Variants in SPATA6L observed in about 807,000 individuals in gnomAD.
SPATA6L encodes the protein spermatogenesis associated 6-like protein.
SPATA6L carries 68 observed loss-of-function variants against 49.2 expected under a neutral mutation model. The ratio of observed to expected loss-of-function variants is 1.38; its 90% CI spans 1.14 to 1.69. SPATA6L has a LOEUF of 1.69. SPATA6L is among the 40% of genes most tolerant of loss of function. SPATA6L has a pLI of 0.00. For synonymous variants in SPATA6L, 198 were observed against 165.7 expected, an observed-to-expected ratio of 1.19 and a Z score of -1.50; for missense variants, 668 against 464.3, an observed-to-expected ratio of 1.44 and a Z score of -4.03.
In SPATA6L at chr9:4,662,395, G is replaced by T; in HGVS notation, c.40-359C>A. On this transcript the variant is annotated intron_variant, in intron 1 of 11. Transcript: ENST00000682582. The surrounding 1 kb of genome is among the most constrained non-coding windows in gnomAD (Gnocchi z 4.9). Reference sequence around the variant, plus strand: ...GCTGCGATGCCAAGTCCCCGGAGGAGCATGGAGGGACGGCCGCTGGGCGTC... The same window carrying T: ...GCTGCGATGCCAAGTCCCCGGAGGATCATGGAGGGACGGCCGCTGGGCGTC... 9 of 1,534,348 alleles carry T rather than the reference G, an allele frequency of 5.9e-6. No individual in the cohort carries two copies. The highest frequency in any genetic ancestry group is 7.8e-6 in the Non-Finnish European group (9 of 1,148,078).
At chr9:4,593,005 T>C (rs944398390) in intron 13 of SPATA6L, among the ~76,000 whole-genome samples, 1 of 152,234 alleles carries the variant, frequency 6.6e-6, no homozygotes, top group African/African-American at 2.4e-5. Flanking sequence ...ATATTTTACA[T>C]GCATAGTCTC....
chr9:4,597,621 T>C (rs1330802433), downstream of SPATA6L, among the ~76,000 whole-genome samples: 1 of 152,168 alleles, frequency 6.6e-6, no homozygotes, highest in African/African-American at 2.4e-5. Context: ...TTCATTGCCA[T>C]AATTTGGTGC....
At chr9:4,621,677 G>A (rs1384526430) in intron 7 of SPATA6L, among the ~76,000 whole-genome samples, 2 of 152,150 alleles carry the variant, frequency 1.3e-5, no homozygotes, top group Admixed American at 6.5e-5. Flanking sequence ...TAGTAGAGAT[G>A]GGGTTTCTCT....
intron 3 of SPATA6L, among the ~76,000 whole-genome samples, chr9:4,647,462 G>T (rs1229143866): frequency 1.3e-5 from 2 of 152,042 alleles, no homozygotes; most frequent in Non-Finnish European, 2.9e-5. Flanking sequence ...CATGGTGGCA[G>T]ATGCCTGTAA....
chr9:4,592,207 C>T (rs1586891226), intron 13 of SPATA6L, among the ~76,000 whole-genome samples: 1 of 150,114 alleles, frequency 6.7e-6, no homozygotes, highest in Admixed American at 6.7e-5. Context: ...CCCAGCTACT[C>T]GGGAGGCTGA....
chr9:4,620,954 C>G (rs571949518), intron 7 of SPATA6L, among the ~76,000 whole-genome samples: 3 of 152,366 alleles, frequency 2.0e-5, no homozygotes, highest in African/African-American at 7.2e-5. Flanking sequence ...GAAGCACATT[C>G]TGCTTCAAAC....
downstream of SPATA6L, among the ~76,000 whole-genome samples, chr9:4,594,370 T>C (rs1822102305): frequency 6.6e-6 from 1 of 152,134 alleles, no homozygotes; most frequent in Non-Finnish European, 1.5e-5. Flanking sequence ...CCAGCATGCC[T>C]GGCTAACTTT....
At chr9:4,616,058 G>C (rs1438804870) in intron 9 of SPATA6L, among the ~76,000 whole-genome samples, 3 of 152,148 alleles carry the variant, frequency 2.0e-5, no homozygotes, top group Non-Finnish European at 2.9e-5. Flanking sequence ...AATTGCTTGA[G>C]CCCAGGAGTT....
rs941966409 is a variant in SPATA6L, at chr9:4,629,114, A to G, written c.406T>C (p.Phe136Leu). ...STRTAIRECV[F>L]LHRNRFLEER... The stretch of plus-strand genomic sequence containing the variant: ...ACAAGAAATCTGTTTCTATGCAGAA[A>G]CACACATTCTCTGATGGCTGTCCTT... The change falls in exon 5 of 12, where the codon TTT (phenylalanine) becomes CTT (leucine). Residue 136 changes from phenylalanine to leucine, a missense_variant. Transcript: ENST00000682582. 1 of 1,610,958 alleles carries G rather than the reference A, an allele frequency of 6.2e-7. No individual in the cohort carries two copies. Among genetic ancestry groups the G allele is most frequent in the Non-Finnish European group, 8.5e-7 (1 of 1,178,296 alleles).
intron 3 of SPATA6L, among the ~76,000 whole-genome samples, chr9:4,647,917 C>T (rs1328192683): frequency 6.6e-6 from 1 of 151,824 alleles, no homozygotes; most frequent in African/African-American, 2.4e-5. Flanking sequence ...TCACTGCAAC[C>T]TCTACCTTGC....
At chr9:4,628,015 A>T in intron 5 of SPATA6L, 1 of 357,878 alleles carries the variant, frequency 2.8e-6, no homozygotes, top group Non-Finnish European at 5.4e-6. Context: ...GACAAACTTT[A>T]TATATTCTCA....
intron 3 of SPATA6L, among the ~76,000 whole-genome samples, chr9:4,648,775 C>G (rs979007557): frequency 1.3e-5 from 2 of 152,018 alleles, no homozygotes; most frequent in Non-Finnish European, 2.9e-5. Context: ...GCACCCATCA[C>G]CCGAGCAGTA....
At chr9:4,611,541 C>G (rs1309313009) in intron 9 of SPATA6L, among the ~76,000 whole-genome samples, 1 of 148,508 alleles carries the variant, frequency 6.7e-6, no homozygotes, top group Non-Finnish European at 1.5e-5. Flanking sequence ...AGTAAACTAT[C>G]GCAAGAACAA....
chr9:4,644,658 TTCTCTCTCTCTCTC>T (rs375004235), intron 3 of SPATA6L, among the ~76,000 whole-genome samples: 1 of 143,002 alleles, frequency 7.0e-6, no homozygotes, highest in Non-Finnish European at 1.5e-5. Context: ...GTTTTCAGTA[TTCTCTCTCTCTCTC>T]TCTCTCTCTC....
intron 3 of SPATA6L, among the ~76,000 whole-genome samples, chr9:4,655,423 G>A (rs1214695951): frequency 6.6e-6 from 1 of 152,176 alleles, no homozygotes; most frequent in African/African-American, 2.4e-5. Context: ...TGGGCATAGG[G>A]CCGCTTTTTG....
At chr9:4,605,691 C>G (rs1586957351) in intron 9 of SPATA6L, among the ~76,000 whole-genome samples, 1 of 152,182 alleles carries the variant, frequency 6.6e-6, no homozygotes, top group African/African-American at 2.4e-5. Flanking sequence ...TTCTTTTCTT[C>G]TTTGTACTTT....
rs913300910 is a variant in SPATA6L, at chr9:4,652,148, C to T, written c.226+3893G>A. Among the ~76,000 whole-genome samples, 19 of 152,292 alleles carry T rather than the reference C, an allele frequency of 1.2e-4. No homozygotes were observed. In the East Asian group the frequency reaches 2.7e-3, roughly 22 times the overall value. ...ATAAAAATCAATTGTGGGCCAGGCG[C>T]GGTGGCTAACGCCTGTAATCCCAGC... On this transcript the variant is annotated intron_variant, in intron 3 of 11. Coordinates refer to ENST00000682582, the MANE Select transcript of SPATA6L (RefSeq NM_001353486.2).
At chr9:4,625,119 A>C in intron 6 of SPATA6L, 1 of 814,454 alleles carries the variant, frequency 1.2e-6, no homozygotes, top group Non-Finnish European at 1.7e-6. Context: ...ACATTTACTG[A>C]GCAAGTCCCC....
At chr9:4,610,106 T>C (rs1168932961) in intron 9 of SPATA6L, among the ~76,000 whole-genome samples, 1 of 152,166 alleles carries the variant, frequency 6.6e-6, no homozygotes, top group East Asian at 1.9e-4. Context: ...GAAGGACCTC[T>C]TCAAGGAGAA....
Sources: allele counts gnomAD v4.1 joint callset (sites outside exome capture counted in the v4.1 genomes callset), GRCh38; gene constraint gnomAD v4.1.1; non-coding constraint Gnocchi (gnomAD v3.1); transcripts MANE v1.5; gene names NCBI Gene and HGNC (gene_info 2026-07-23, HGNC 2026-07-21).